WDR27: variants seen among roughly 807,000 people sequenced by gnomAD.
The protein encoded by WDR27 is WD repeat-containing protein 27.
In WDR27, 100 loss-of-function variants were observed where a neutral mutation model predicts 114.4. The ratio of observed to expected loss-of-function variants is 0.87; its 90% CI spans 0.74 to 1.03. The LOEUF is 1.03. Among genes scored for constraint, WDR27 ranks in the 50% least tolerant of loss-of-function variants. The pLI is 0.00. For synonymous variants in WDR27, 449 were observed against 423.1 expected (o/e 1.06, Z -0.75); for missense variants, 1,129 against 1,092.9 (o/e 1.03, Z -0.47).
intron 1 of WDR27, among the ~76,000 whole-genome samples, chr6:169,694,277 T>C (rs183250670): frequency 1.3e-5 from 2 of 152,244 alleles, no homozygotes; most frequent in South Asian, 2.1e-4. Flanking sequence ...CGCTGTTGCA[T>C]TCCAGCCTGG....
intron 25 of WDR27, among the ~76,000 whole-genome samples, chr6:169,476,840 G>A (rs1013758623): frequency 3.9e-5 from 6 of 152,274 alleles, no homozygotes; most frequent in Middle Eastern, 3.4e-3. Flanking sequence ...TAATAATTCT[G>A]TTGGTCTTTC....
intron 22 of WDR27, among the ~76,000 whole-genome samples, chr6:169,612,119 G>A (rs1277959557): frequency 6.6e-6 from 1 of 151,796 alleles, no homozygotes; most frequent in African/African-American, 2.4e-5. Flanking sequence ...CTCGGTGACA[G>A]AGCAAGACTC....
chr6:169,605,902 A>G (rs1809070350), intron 22 of WDR27, among the ~76,000 whole-genome samples: 1 of 152,182 alleles, frequency 6.6e-6, no homozygotes, highest in East Asian at 1.9e-4. Context: ...TTGGATAGCT[A>G]TAGGCAAAAG....
At chr6:169,638,702 A>G (rs1279272741) in intron 17 of WDR27, 42 bp from the exon 18 acceptor site, 1 of 1,563,986 alleles carries the variant, frequency 6.4e-7, no homozygotes, top group South Asian at 1.2e-5. Flanking sequence ...TCTACTATTA[A>G]TATCAGTTTT....
intron 25 of WDR27, among the ~76,000 whole-genome samples, chr6:169,458,256 C>G (rs1034069731): frequency 6.6e-6 from 1 of 152,164 alleles, no homozygotes; most frequent in African/African-American, 2.4e-5. Context: ...CTGCAGAACC[C>G]AGGATGGGCA....
intron 2 of WDR27, among the ~76,000 whole-genome samples, chr6:169,675,608 G>A (rs1238664701): frequency 6.6e-6 from 1 of 152,260 alleles, no homozygotes; most frequent in African/African-American, 2.4e-5. Context: ...AAATACATTG[G>A]TTTCGTTCAG....
intron 25 of WDR27, among the ~76,000 whole-genome samples, chr6:169,569,591 A>C (rs1801041077): frequency 6.6e-6 from 1 of 152,238 alleles, no homozygotes; most frequent in South Asian, 2.1e-4. Context: ...TTCTCTTAAA[A>C]ATTTAAATAC....
At chr6:169,613,199 C>T (rs746198359) in intron 22 of WDR27, among the ~76,000 whole-genome samples, 6 of 152,154 alleles carry the variant, frequency 3.9e-5, no homozygotes, top group Non-Finnish European at 7.4e-5. Flanking sequence ...CCCTGCGTTA[C>T]GGGGGTGCTC....
intron 24 of WDR27, among the ~76,000 whole-genome samples, chr6:169,580,433 G>C (rs1803178468): frequency 6.6e-6 from 1 of 152,154 alleles, no homozygotes; most frequent in South Asian, 2.1e-4. Context: ...TTGGATTGTT[G>C]CAAGCCTCTG....
intron 25 of WDR27, chr6:169,559,714 C>G (rs1016561521): frequency 5.3e-5 from 8 of 152,224 alleles, no homozygotes; most frequent in Non-Finnish European, 1.2e-4. Context: ...GCTCACCCCG[C>G]TTTTCTTCAA....
chr6:169,639,504 A>G (rs112473723), intron 17 of WDR27, among the ~76,000 whole-genome samples: 4,385 of 151,502 alleles, frequency 0.029, 151 homozygotes, highest in African/African-American at 0.085. Flanking sequence ...GCACACACAT[A>G]TAAGTTGATC....
At chr6:169,634,197 C>T (rs1817114435) in intron 20 of WDR27, among the ~76,000 whole-genome samples, 1 of 152,184 alleles carries the variant, frequency 6.6e-6, no homozygotes, top group South Asian at 2.1e-4. Flanking sequence ...TGCTGGATGG[C>T]ATGAGCTGTA....
chr6:169,535,862 C>T (rs1796143479), intron 25 of WDR27, among the ~76,000 whole-genome samples: 1 of 152,224 alleles, frequency 6.6e-6, no homozygotes, highest in Non-Finnish European at 1.5e-5. Context: ...TTAGCTCTGA[C>T]ACCCAGTGTA....
chr6:169,575,239 T>TCC (rs1554295637), intron 24 of WDR27, among the ~76,000 whole-genome samples: 1 of 131,006 alleles, frequency 7.6e-6, no homozygotes, highest in African/African-American at 2.8e-5. Flanking sequence ...TCTCCCTCTC[T>TCC]ATCCATCCAT....
intron 25 of WDR27, among the ~76,000 whole-genome samples, chr6:169,464,123 A>G (rs1339656248): frequency 1.3e-5 from 2 of 152,228 alleles, no homozygotes; most frequent in African/African-American, 2.4e-5. Context: ...CTGATTTCAA[A>G]ACTTACTATT....
the WDR27 span, among the ~76,000 whole-genome samples, chr6:169,429,041 T>C: frequency 6.6e-6 from 1 of 152,140 alleles, no homozygotes; most frequent in African/African-American, 2.4e-5. Flanking sequence ...AGCAGCATCA[T>C]TGGTCCCAAG....
At chr6:169,551,927 T>C (rs1433946358) in intron 25 of WDR27, among the ~76,000 whole-genome samples, 1 of 152,118 alleles carries the variant, frequency 6.6e-6, no homozygotes, top group African/African-American at 2.4e-5. Context: ...TAAAACTTTA[T>C]TTACAAAAAC....
In WDR27 at chr6:169,659,738, C is replaced by T. The variant is rs569088394; in HGVS notation, c.1130-220G>A. On this transcript the variant is annotated intron_variant, in intron 10 of 25. Transcript: ENST00000448612. This position sits in a 1 kb window ranked among gnomAD's most constrained non-coding sequence, Gnocchi z 4.3. ...CACCACACACACACCAGGCCCTGAGCGTCACACATGCCAGGCTCCGCTCTG... is the reference window on the plus strand; with the variant it reads ...CACCACACACACACCAGGCCCTGAGTGTCACACATGCCAGGCTCCGCTCTG... Among the ~76,000 whole-genome samples, 4 of 152,118 alleles carry T rather than the reference C, an allele frequency of 2.6e-5. No individual in the cohort carries two copies.
At chr6:169,624,464 G>A (rs535457635) in intron 21 of WDR27, among the ~76,000 whole-genome samples, 8 of 152,208 alleles carry the variant, frequency 5.3e-5, no homozygotes, top group East Asian at 3.9e-4. Context: ...TGAAACGCTC[G>A]TGTCCACTCG....
Sources: gnomAD v4.1 joint callset for allele counts (sites outside exome capture counted in the v4.1 genomes callset) on GRCh38, gnomAD v4.1.1 for gene constraint, Gnocchi (gnomAD v3.1) non-coding constraint, MANE v1.5 for transcripts, NCBI Gene and HGNC (gene_info 2026-07-23, HGNC 2026-07-21) for gene names.